GABRA3: variants seen among roughly 807,000 people sequenced by gnomAD.
GABRA3 encodes the protein gamma-aminobutyric acid type A receptor subunit alpha3, also known as gamma-aminobutyric acid receptor subunit alpha-3.
A neutral mutation model predicts 30.1 loss-of-function variants in GABRA3; 10 were observed. That is an observed-to-expected ratio of 0.33 (90% CI 0.20 to 0.56). The LOEUF is 0.56. Ranked by LOEUF, GABRA3 falls within the 20% of genes least tolerant of loss-of-function variation. GABRA3 has a pLI of 0.89. For missense variants in GABRA3, 233 were observed against 392.0 expected (o/e 0.59, Z 3.42); for synonymous variants, 151 against 146.8 (o/e 1.03, Z -0.21).
chrX:152,248,237 C>G (rs775935547), intron 5 of GABRA3, among the ~76,000 whole-genome samples: 1 of 110,993 alleles, frequency 9.0e-6, no homozygotes, highest in South Asian at 3.8e-4. Flanking sequence ...CAAACACTTG[C>G]CAACTGTTCA....
chrX:152,384,272 TTAA>T (rs1195219128), intron 1 of GABRA3, among the ~76,000 whole-genome samples: 1 of 111,618 alleles, frequency 9.0e-6, no homozygotes, highest in Non-Finnish European at 1.9e-5. Context: ...ATTGAAAGAA[TTAA>T]TGTTTTTCAA....
At chrX:152,307,486 G>T (rs1603238640) in intron 3 of GABRA3, among the ~76,000 whole-genome samples, 1 of 111,292 alleles carries the variant, frequency 9.0e-6, no homozygotes, top group Non-Finnish European at 1.9e-5. Context: ...CCAGGGGAGG[G>T]TCATTTATTT....
chrX:152,433,322 A>G (rs934017206), intron 1 of GABRA3, among the ~76,000 whole-genome samples: 1 of 109,977 alleles, frequency 9.1e-6, no homozygotes, highest in Non-Finnish European at 1.9e-5. Flanking sequence ...ACCTTAACAT[A>G]AGGATCTTAA....
At chrX:152,448,191 G>C (rs980409873) in intron 1 of GABRA3, among the ~76,000 whole-genome samples, 2 of 111,947 alleles carry the variant, frequency 1.8e-5, no homozygotes, top group African/African-American at 6.5e-5. Flanking sequence ...CTTGAAGTGT[G>C]GTCAGTGGAA....
intron 9 of GABRA3, chrX:152,186,767 A>G (rs941987379): frequency 9.1e-6 from 1 of 109,712 alleles, no homozygotes. Context: ...GACTACAGGC[A>G]TATGCACCCA....
intron 4 of GABRA3, among the ~76,000 whole-genome samples, chrX:152,261,817 C>T (rs1389153864): frequency 2.7e-5 from 3 of 112,343 alleles, no homozygotes; most frequent in Non-Finnish European, 5.6e-5. Flanking sequence ...CACACTTCCA[C>T]TATGCGGTGC....
intron 3 of GABRA3, among the ~76,000 whole-genome samples, chrX:152,292,412 T>C (rs1479769218): frequency 8.9e-6 from 1 of 111,925 alleles, no homozygotes; most frequent in Non-Finnish European, 1.9e-5. Context: ...TCATTTTTTA[T>C]TGCATCTATT....
chrX:152,168,587 G>A (rs763387573), intron 9 of GABRA3, 24 bp from the exon 10 acceptor site: 19 of 1,104,444 alleles, frequency 1.7e-5, no homozygotes, highest in Non-Finnish European at 2.4e-5. Context: ...AAAAGAGGGG[G>A]GGAAAGGGAG....
intron 1 of GABRA3, among the ~76,000 whole-genome samples, chrX:152,380,554 C>A (rs1929116331): frequency 8.9e-6 from 1 of 112,028 alleles, no homozygotes; most frequent in African/African-American, 3.2e-5. Flanking sequence ...AGTGCTGCAA[C>A]AAACATGGGA....
At chrX:152,367,335 C>T (rs75195056) in intron 1 of GABRA3, among the ~76,000 whole-genome samples, 6,038 of 111,314 alleles carry the variant, frequency 0.054, 182 homozygotes, top group East Asian at 0.12. Flanking sequence ...CTTGTGCAAA[C>T]TCAGATAATC....
chrX:152,251,167 C>T (rs996727828), intron 5 of GABRA3: 2 of 317,018 alleles, frequency 6.3e-6, no homozygotes, highest in Admixed American at 3.6e-5. Flanking sequence ...TTCTGTACTT[C>T]CTCTATTCTG....
At position 152,387,867 on chromosome X, in the gene GABRA3, A is replaced by T. The variant is rs1022291278; in HGVS notation, c.-26-23271T>A. Among the ~76,000 whole-genome samples the T allele has an allele frequency of 3.6e-5, 4 of 111,361 alleles. No individual in the cohort carries two copies. In the Admixed American group the frequency reaches 3.9e-4, roughly 11 times the overall value. On this transcript the variant is annotated intron_variant, in intron 1 of 9. Transcript: ENST00000370314. ...TAAATCTATGCTTCCTTCCTTGTAA[A>T]CAATCTTGCAGCATGAATAAAAAGC...
chrX:152,242,804 A>C (rs1938403809), intron 5 of GABRA3, among the ~76,000 whole-genome samples: 1 of 112,231 alleles, frequency 8.9e-6, no homozygotes, highest in Non-Finnish European at 1.9e-5. Context: ...AACAGTATGG[A>C]GGTTCCTCAA....
chrX:152,442,895 A>G (rs1169823029), intron 1 of GABRA3, among the ~76,000 whole-genome samples: 1 of 112,082 alleles, frequency 8.9e-6, no homozygotes, highest in Non-Finnish European at 1.9e-5. Context: ...TAAGCAATAA[A>G]AACTAAAACA....
chrX:152,392,375 T>C, intron 1 of GABRA3: 1 of 344,015 alleles, frequency 2.9e-6, no homozygotes, highest in South Asian at 2.7e-5. Flanking sequence ...GCAAACACAC[T>C]GTATGACAAA....
chrX:152,398,659 A>T (rs1431613823), intron 1 of GABRA3, among the ~76,000 whole-genome samples: 1 of 112,458 alleles, frequency 8.9e-6, no homozygotes, highest in Non-Finnish European at 1.9e-5. Flanking sequence ...TTGCTGATAT[A>T]TGTTTCTACT....
chrX:152,361,636 GT>G (rs1201591314), intron 2 of GABRA3, among the ~76,000 whole-genome samples: 49 of 101,866 alleles, frequency 4.8e-4, no homozygotes, highest in African/African-American at 1.3e-3. Flanking sequence ...ATTTTTTGTG[GT>G]TTTTTTTTTT....
chrX:152,404,028 A>G (rs1259653476), intron 1 of GABRA3, among the ~76,000 whole-genome samples: 5 of 111,369 alleles, frequency 4.5e-5, no homozygotes. Flanking sequence ...ACTCATCAGC[A>G]GTATCATGGA....
chrX:152,171,125 G>A (rs775552119), intron 9 of GABRA3, among the ~76,000 whole-genome samples: 2 of 111,069 alleles, frequency 1.8e-5, no homozygotes, highest in African/African-American at 6.5e-5. Context: ...AAAAATTATA[G>A]GAAAGAAAGA....
Sources: allele counts gnomAD v4.1 joint callset (sites outside exome capture counted in the v4.1 genomes callset), GRCh38; gene constraint gnomAD v4.1.1; transcripts MANE v1.5; gene names NCBI Gene and HGNC (gene_info 2026-07-23, HGNC 2026-07-21).